The following VCP variants were observed in gnomAD, a reference collection of about 807,000 sequenced individuals.
VCP encodes the protein transitional endoplasmic reticulum ATPase.
A neutral mutation model predicts 85.7 loss-of-function variants in VCP; 6 were observed. The observed-to-expected ratio is 0.07, with a 90% CI of 0.04 to 0.14. The LOEUF (loss-of-function observed/expected upper bound fraction) is 0.14, where lower values mean the gene tolerates loss of function less well. VCP is among the 10% of genes least tolerant of loss of function. The pLI is 1.00. For synonymous variants in VCP, 384 were observed against 367.1 expected (o/e 1.05, Z -0.53); for missense variants, 353 against 1,043.4 (o/e 0.34, Z 9.12).
chr9:35,072,242 C>A, intron 1 of VCP, 95 bp downstream of exon 1: 2 of 1,469,730 alleles, frequency 1.4e-6, no homozygotes, highest in South Asian at 2.5e-5. Context: ...CTCCACCTCT[C>A]TGACGCGCCC....
intron 7 of VCP, 145 bp downstream of exon 7, chr9:35,062,833 T>C: frequency 1.2e-6 from 1 of 821,222 alleles, no homozygotes; most frequent in Non-Finnish European, 2.1e-6. Context: ...TGCTCTTCTG[T>C]CTGTAACATA....
rs947894370 is a variant in VCP at position 35,072,390 on chromosome 9, C to A, written c.-37G>T. On this transcript the variant is annotated 5_prime_UTR_variant, in exon 1 of 17. Transcript: ENST00000358901. ...CTCCCGGCCGGCGGCTGTGGCGGCC[C>A]GCGGGTAACGGCTACGAGCGGTGGC... 4 of 1,473,152 alleles carry A rather than the reference C, an allele frequency of 2.7e-6. No individual in the cohort carries two copies. Among genetic ancestry groups the A allele is most frequent in the Non-Finnish European group, 3.6e-6 (4 of 1,118,272 alleles). 91.3% of individuals were successfully genotyped at this position (1,473,152 alleles called of 1,614,324 possible).
rs1053424 is a variant in VCP, at chr9:35,056,773, G to A, written c.*344C>T. On this transcript the variant is annotated 3_prime_UTR_variant, in exon 17 of 17. Transcript: ENST00000358901. The stretch of plus-strand genomic sequence containing the variant: ...CTCGGGCAGCATTGAGTCAAGTGCA[G>A]ATGCTTTACTGTGGCAGGTGGCAGT... 2.8e-6 allele frequency: 1 copy of A among 361,388 alleles called. No individual in the cohort carries two copies. Among genetic ancestry groups the A allele is most frequent in the South Asian group, 2.3e-5 (1 of 43,698 alleles). The allele number at this position is 361,388 out of a possible 1,614,324, so 22.4% of individuals were successfully genotyped here.
rs121909332 is a variant in VCP at position 35,067,910 on chromosome 9, G to A, written c.283C>T (p.Arg95Cys). ...ACACACCTGATGACATCCCCTAGGC[G>A]TACACGAAGGTTATTCCGAACAACT... ...NRVVRNNLRV[R>C]LGDVISIQPC... The change falls in exon 3 of 17, where the codon CGC (arginine) becomes TGC (cysteine). Residue 95 changes from arginine to cysteine, a missense_variant. Arg to Cys is a radical substitution (Grantham distance 180, BLOSUM62 -3). Transcript: ENST00000358901. The A allele has an allele frequency of 1.9e-6, 3 of 1,614,160 alleles. No homozygotes were observed. The highest frequency in any genetic ancestry group is 2.7e-5 in the African/African-American group (2 of 75,020).
In VCP at chr9:35,072,077, G is replaced by C. The variant is rs540704870; in HGVS notation, c.17+260C>G. ...AAGGGAGCCAATCGGGCGGGCCGGGGCCTGCATGACACAGCACGATCCGGC... is the reference window on the plus strand; with the variant it reads ...AAGGGAGCCAATCGGGCGGGCCGGGCCCTGCATGACACAGCACGATCCGGC... On this transcript the variant is annotated intron_variant, in intron 1 of 16. Transcript: ENST00000358901. 798 of 1,292,018 alleles carry C rather than the reference G, an allele frequency of 6.2e-4. 7 individuals carry two copies. In the South Asian group the frequency reaches 0.014, roughly 23 times the overall value. 80.0% of individuals were successfully genotyped at this position (1,292,018 alleles called of 1,614,324 possible).
rs754013775 is a variant in VCP at position 35,060,981 on chromosome 9, A to G, written c.1359+34T>C. On this transcript the variant is annotated intron_variant, in intron 11 of 16. Transcript: ENST00000358901. ...TATCAAGGGAGGGGTCAAAGCACGT[A>G]TGTGTGTACCTGAGGCACGGGTGTG... The G allele has an allele frequency of 1.9e-6, 3 of 1,614,210 alleles. No individual in the cohort carries two copies. The African/African-American group carries it at 4.0e-5, about 22-fold the overall frequency.
chr9:35,065,165 G>A, intron 5 of VCP, 86 bp downstream of exon 5: 1 of 1,601,512 alleles, frequency 6.2e-7, no homozygotes, highest in Non-Finnish European at 8.5e-7. Flanking sequence ...ACCGCAGCCG[G>A]CCGAGCACCC....
chr9:35,068,440 G>GA lies in VCP; in HGVS notation c.18-79dup, dbSNP rs1828876633. 2.4e-6 allele frequency: 3 copies of GA among 1,270,894 alleles called. No individual in the cohort carries two copies. In the East Asian group the frequency reaches 6.9e-5, roughly 29 times the overall value. 78.7% of individuals were successfully genotyped at this position (1,270,894 alleles called of 1,614,324 possible). On this transcript the variant is annotated intron_variant, in intron 1 of 16. Coordinates refer to ENST00000358901, the MANE Select transcript of VCP (RefSeq NM_007126.5). ...GTCTCTAAAACTCATACTTAGGAAA[G>GA]AAACAGTGAATAGATGAAGCTGTCC...
chr9:35,072,568 T>C lies in VCP; in HGVS notation c.-215A>G, dbSNP rs886063893. 3.6e-4 allele frequency: 189 copies of C among 532,120 alleles called. 1 individual carries two copies. In the East Asian group the frequency reaches 4.4e-3, roughly 12 times the overall value. The allele number at this position is 532,120 out of a possible 1,614,324, so 33.0% of individuals were successfully genotyped here. On this transcript the variant is annotated 5_prime_UTR_variant, in exon 1 of 17. Coordinates refer to ENST00000358901, the MANE Select transcript of VCP (RefSeq NM_007126.5). Reference sequence around the variant, plus strand: ...CTGATCCGCGAGGTGGCAGTGGCAGTGGCAGCGGCAGCGGCAGCGACGACT... The same window carrying C: ...CTGATCCGCGAGGTGGCAGTGGCAGCGGCAGCGGCAGCGGCAGCGACGACT...
chr9:35,064,959 C>T (rs1395237000), intron 5 of VCP, among the ~76,000 whole-genome samples: 1 of 152,200 alleles, frequency 6.6e-6, no homozygotes, highest in Non-Finnish European at 1.5e-5. Context: ...CCTCCGACTC[C>T]TGGGTTCAAC....
rs1828674314 is a variant in VCP, at chr9:35,059,303, C to G, written c.2005-84G>C. The G allele has an allele frequency of 9.4e-6, 15 of 1,589,322 alleles. No homozygotes were observed. Among genetic ancestry groups the G allele is most frequent in the Non-Finnish European group, 1.2e-5 (14 of 1,166,728 alleles). ...CTTTGGGCTACCCGAGCACTCCCAA[C>G]TACAGTTTGCCCCTTCTTTGGCCAC... On this transcript the variant is annotated intron_variant, in intron 14 of 16. Coordinates refer to ENST00000358901, the MANE Select transcript of VCP (RefSeq NM_007126.5). This position sits in a 1 kb window ranked among gnomAD's most constrained non-coding sequence, Gnocchi z 4.9.
chr9:35,061,259 CCT>C, intron 10 of VCP, 80 bp from the exon 11 acceptor site: 6 of 1,582,716 alleles, frequency 3.8e-6, no homozygotes, highest in East Asian at 2.2e-5. Context: ...GAATCCTTCC[CCT>C]GACTGCTATC....
intron 1 of VCP, among the ~76,000 whole-genome samples, chr9:35,069,275 T>C (rs1043653753): frequency 6.6e-6 from 1 of 152,084 alleles, no homozygotes; most frequent in African/African-American, 2.4e-5. Context: ...AACCAAGAAA[T>C]GCTGAGACAT....
chr9:35,060,711 T>C, intron 12 of VCP, 90 bp downstream of exon 12: 1 of 1,609,904 alleles, frequency 6.2e-7, no homozygotes. Context: ...CTCTCACAAC[T>C]CTTGCAGCAA....
intron 1 of VCP, among the ~76,000 whole-genome samples, chr9:35,071,291 GTGTTTTTTTTT>G (rs1828936967): frequency 2.1e-5 from 2 of 95,016 alleles, no homozygotes; most frequent in African/African-American, 8.5e-5. Flanking sequence ...TGGGCTGGCT[GTGTTTTTTTTT>G]TTTTTTTTTT....
chr9:35,058,401 C>T (rs1332014693), intron 15 of VCP, among the ~76,000 whole-genome samples: 3 of 152,148 alleles, frequency 2.0e-5, no homozygotes, highest in Non-Finnish European at 4.4e-5. Flanking sequence ...ATGAATTTGC[C>T]TTTTCATTTT....
Position 35,066,881 on chromosome 9 carries a change from A to C in VCP, c.303-64T>G. On this transcript the variant is annotated intron_variant, in intron 3 of 16. Transcript: ENST00000358901. ...TTCGGGCCCAAGCACTGGGTGTCCA[A>C]AAGGGCCTGGCACAGATAGCTGATA... 2.5e-6 allele frequency: 4 copies of C among 1,612,454 alleles called. No individual in the cohort carries two copies. The South Asian group carries it at 4.4e-5, about 18-fold the overall frequency.
intron 6 of VCP, 30 bp downstream of exon 6, chr9:35,064,124 A>T (rs770358873): frequency 1.2e-6 from 2 of 1,614,002 alleles, no homozygotes; most frequent in Non-Finnish European, 1.7e-6. Flanking sequence ...GCACCACTTT[A>T]GACTTGATTC....
At chr9:35,060,720 A>T in intron 12 of VCP, 81 bp downstream of exon 12, 3 of 1,611,706 alleles carry the variant, frequency 1.9e-6, no homozygotes, top group Non-Finnish European at 2.5e-6. Context: ...CTCTTGCAGC[A>T]AATGTGTTGA....
Sources: allele counts gnomAD v4.1 joint callset (sites outside exome capture counted in the v4.1 genomes callset), GRCh38; gene constraint gnomAD v4.1.1; non-coding constraint Gnocchi (gnomAD v3.1); transcripts MANE v1.5; gene names NCBI Gene and HGNC (gene_info 2026-07-23, HGNC 2026-07-21).